Variants in MRPL20 observed in about 807,000 individuals in gnomAD.
MRPL20 encodes the protein mitochondrial ribosomal protein L20, also known as large ribosomal subunit protein bL20m.
Under a neutral mutation model 20.0 loss-of-function variants are expected in MRPL20, and 21 were observed. That is an observed-to-expected ratio of 1.05 (90% confidence interval 0.74 to 1.51). MRPL20 has a LOEUF of 1.51. MRPL20 is among the 40% of genes most tolerant of loss of function. The pLI is 0.00. For synonymous variants in MRPL20, 104 were observed against 73.0 expected (o/e 1.43, Z -2.17); for missense variants, 252 against 185.6 (o/e 1.36, Z -2.08).
At chr1:1,402,484 G>A (rs1645341384) in intron 3 of MRPL20, 5 of 1,298,100 alleles carry the variant, frequency 3.9e-6, no homozygotes, top group Non-Finnish European at 4.9e-6. Flanking sequence ...CAGGGAGGCT[G>A]GACTCCAGTC....
intron 3 of MRPL20, among the ~76,000 whole-genome samples, chr1:1,403,240 CCTTTCTTT>C (rs35371925): frequency 3.3e-5 from 5 of 151,608 alleles, no homozygotes; most frequent in African/African-American, 1.2e-4. Context: ...AAGTCTGTCT[CCTTTCTTT>C]CTTTCTTTTT....
chr1:1,406,432 G>A, intron 2 of MRPL20: 1 of 196,232 alleles, frequency 5.1e-6, no homozygotes, highest in South Asian at 7.8e-5. Flanking sequence ...GTAATGAGGC[G>A]GCACGTGGAC....
Position 1,403,901 on chromosome 1 carries a change from G to T in MRPL20, c.277-1645C>A, listed in dbSNP as rs542274729. 2.6e-5 allele frequency among the ~76,000 whole-genome samples: 4 copies of T among 152,288 alleles called. No individual in the cohort carries two copies. In the South Asian group the frequency reaches 6.2e-4, roughly 24 times the overall value. Reference sequence around the variant, plus strand: ...CTGTCGCCCACGCTGGAGTACACTGGTGTGATCTCAGCCCACTGCAACTTC... The same window carrying T: ...CTGTCGCCCACGCTGGAGTACACTGTTGTGATCTCAGCCCACTGCAACTTC... On this transcript the variant is annotated intron_variant, in intron 3 of 3. Transcript: ENST00000344843.
chr1:1,402,470 TCTGCAGGGAGG>T, intron 3 of MRPL20: 2 of 1,316,286 alleles, frequency 1.5e-6, no homozygotes, highest in Non-Finnish European at 1.9e-6. Context: ...ACCTGTGGAA[TCTGCAGGGAGG>T]CTGGACTCCA....
rs759046129 is a variant in MRPL20 at position 1,406,962 on chromosome 1, C to T, written c.145G>A (p.Ala49Thr). The change falls in exon 2 of 4, where the codon GCC becomes ACC. Residue 49 changes from alanine (A) to threonine (T), a missense_variant. By Grantham distance (58) the Ala-to-Thr change is moderately conservative (BLOSUM62 0). Transcript: ENST00000344843. ...YRLAVRTVIR[A>T]FVKCTKARYL... Reference sequence around the variant, plus strand: ...CGGGCTTTGGTGCATTTCACAAAGGCTCGAATCACGGTTCTGACCGCCAAC... The same window carrying T: ...CGGGCTTTGGTGCATTTCACAAAGGTTCGAATCACGGTTCTGACCGCCAAC... 6.0e-5 allele frequency: 97 copies of T among 1,613,756 alleles called. No individual in the cohort carries two copies. The highest frequency in any genetic ancestry group is 8.0e-5 in the Non-Finnish European group (94 of 1,179,804).
intron 3 of MRPL20, 66 bp downstream of exon 3, chr1:1,405,743 C>CA: frequency 1.9e-6 from 3 of 1,613,964 alleles, no homozygotes; most frequent in Non-Finnish European, 2.5e-6. Context: ...GAAGCACCAC[C>CA]ACGCCCCGCA....
intron 3 of MRPL20, chr1:1,405,434 A>C: frequency 1.7e-6 from 1 of 590,862 alleles, no homozygotes; most frequent in Non-Finnish European, 3.0e-6. Context: ...CTGTACCACC[A>C]CACCCAGCAA....
intron 3 of MRPL20, among the ~76,000 whole-genome samples, chr1:1,403,837 T>G (rs1645356442): frequency 6.6e-6 from 1 of 152,118 alleles, no homozygotes; most frequent in Non-Finnish European, 1.5e-5. Context: ...AATCACTCAT[T>G]ATTAAAACTT....
In MRPL20 at chr1:1,402,177, A is replaced by C; in HGVS notation, c.356T>G (p.Leu119Trp). 6.2e-7 allele frequency: 1 copy of C among 1,614,130 alleles called. No individual in the cohort carries two copies. Among genetic ancestry groups the C allele is most frequent in the Non-Finnish European group, 8.5e-7 (1 of 1,180,020 alleles). ...EPKTFKSLAA[L>W]ASRRRHEGFA... Reference sequence around the variant, plus strand: ...TCCTTCGTGTCGCCTCCTACTGGCCAAGGCAGCCAAAGATTTGAAAGTCTT... The same window carrying C: ...TCCTTCGTGTCGCCTCCTACTGGCCCAGGCAGCCAAAGATTTGAAAGTCTT... Residue 119 changes from leucine (L) to tryptophan (W), a missense_variant, in exon 4 of 4, where the codon TTG becomes TGG. Leu to Trp is a moderately conservative substitution (Grantham distance 61). Transcript: ENST00000344843.
rs1029996589 is a variant in MRPL20, at chr1:1,405,875, A to C, written c.210T>G (p.Asn70Lys). The C allele has an allele frequency of 6.2e-7, 1 of 1,613,300 alleles. No individual in the cohort carries two copies. The highest frequency in any genetic ancestry group is 1.3e-5 in the African/African-American group (1 of 75,038). Residue 70 changes from asparagine to lysine, a missense_variant, in exon 3 of 4, where the codon AAT (asparagine) becomes AAG (lysine). Asn to Lys is a moderately conservative substitution (Grantham distance 94). Transcript: ENST00000344843. ...GTTCCTGGCTAGCAGCTGTAATTCG[A>C]TTAATCCAGAGCTGAAATAAGAAAA... The part of the protein sequence containing the change: ...KKKNMRTLWI[N>K]RITAASQEHG...
chr1:1,405,419 T>A, intron 3 of MRPL20: 1 of 578,564 alleles, frequency 1.7e-6, no homozygotes, highest in South Asian at 2.1e-5. Flanking sequence ...TGACATTACA[T>A]GTCTCTGTAC....
rs755015191 is a variant in MRPL20, at chr1:1,407,018, T to C, written c.89A>G (p.His30Arg). The C allele has an allele frequency of 2.5e-6, 4 of 1,613,418 alleles. No individual in the cohort carries two copies. The highest frequency in any genetic ancestry group is 1.3e-5 in the African/African-American group (1 of 75,008). The change falls in exon 2 of 4, where the codon CAC becomes CGC. Residue 30 changes from histidine (H) to arginine (R), a missense_variant and splice_region_variant. Transcript: ENST00000344843. ...GCAGCGATTTTTCCTTCCCCGGAAGTGCTGGGACAGAAAACGAGAAACCAG... is the reference window on the plus strand; with the variant it reads ...GCAGCGATTTTTCCTTCCCCGGAAGCGCTGGGACAGAAAACGAGAAACCAG... ...RIQEVLKHAR[H>R]FRGRKNRCYR...
At chr1:1,405,599 T>TC in intron 3 of MRPL20, 2 of 852,910 alleles carry the variant, frequency 2.3e-6, no homozygotes, top group South Asian at 2.9e-5. Context: ...AACGTGGTGG[T>TC]CCCTTGCTCC....
chr1:1,406,149 A>T (rs1570070530), intron 2 of MRPL20: 1 of 413,068 alleles, frequency 2.4e-6, no homozygotes, highest in Non-Finnish European at 4.4e-6. Flanking sequence ...TCAGATCTGG[A>T]GTTCGAGACC....
chr1:1,407,190 G>C lies in MRPL20; in HGVS notation c.28C>G (p.Leu10Val), dbSNP rs990729481. The C allele has an allele frequency of 1.2e-6, 2 of 1,606,104 alleles. No individual in the cohort carries two copies. The highest frequency in any genetic ancestry group is 2.7e-5 in the African/African-American group (2 of 74,828). The stretch of plus-strand genomic sequence containing the variant: ...TAGCGGTCGGTGACGCGATTCCGCA[G>C]CCAGAGCTGCGCGGTGAGGAAGACC... MVFLTAQLW[L>V]RNRVTDRYFR... Residue 10 changes from leucine to valine, a missense_variant, in exon 1 of 4, where the codon CTG becomes GTG. Physicochemically the swap from Leu to Val is conservative, Grantham distance 32. Transcript: ENST00000344843.
chr1:1,405,421 T>G lies in MRPL20; in HGVS notation c.276+388A>C, dbSNP rs920454876. On this transcript the variant is annotated intron_variant, in intron 3 of 3. Transcript: ENST00000344843. ...ACTCCTCAGTAGCTGACATTACATGTCTCTGTACCACCACACCCAGCAAAT... is the reference window on the plus strand; with the variant it reads ...ACTCCTCAGTAGCTGACATTACATGGCTCTGTACCACCACACCCAGCAAAT... The G allele has an allele frequency of 5.1e-6, 3 of 582,672 alleles. No homozygotes were observed. In the South Asian group the frequency reaches 6.2e-5, roughly 12 times the overall value. The allele number at this position is 582,672 out of a possible 1,614,324, so 36.1% of individuals were successfully genotyped here.
At chr1:1,404,824 C>A (rs1456817899) in intron 3 of MRPL20, among the ~76,000 whole-genome samples, 1 of 152,118 alleles carries the variant, frequency 6.6e-6, no homozygotes, top group Non-Finnish European at 1.5e-5. Context: ...CCCAGAAAGA[C>A]GTGCCCTGTT....
At position 1,402,259 on chromosome 1, in the gene MRPL20, G is replaced by A; in HGVS notation, c.277-3C>T. 6.2e-7 allele frequency: 1 copy of A among 1,602,516 alleles called. No individual in the cohort carries two copies. Among genetic ancestry groups the A allele is most frequent in the Non-Finnish European group, 8.5e-7 (1 of 1,175,342 alleles). ...TTCCTGTTGAGCTCCACCTGGCACT[G>A]AAAAAAGAATGAATCAGAACCTGCT... is the stretch of plus-strand genomic sequence containing the variant. On this transcript the variant is annotated splice_polypyrimidine_tract_variant and splice_region_variant and intron_variant, in intron 3 of 3. Coordinates refer to ENST00000344843, the MANE Select transcript of MRPL20 (RefSeq NM_017971.4).
At chr1:1,405,985 A>T in intron 2 of MRPL20, 99 bp from the exon 3 acceptor site, 1 of 1,482,578 alleles carries the variant, frequency 6.7e-7, no homozygotes. Flanking sequence ...CTAAAAGTAA[A>T]TAGCAAAATC....
Sources: allele counts gnomAD v4.1 joint callset (sites outside exome capture counted in the v4.1 genomes callset), GRCh38; gene constraint gnomAD v4.1.1; transcripts MANE v1.5; gene names NCBI Gene and HGNC (gene_info 2026-07-23, HGNC 2026-07-21).